The following ARHGAP22 variants were observed in gnomAD, a reference collection of about 807,000 sequenced individuals.
ARHGAP22 encodes the protein rho GTPase-activating protein 22.
A neutral mutation model predicts 59.1 loss-of-function variants in ARHGAP22; 48 were observed. That is an observed-to-expected ratio of 0.81 (90% confidence interval 0.64 to 1.03). The LOEUF is 1.03. Among genes scored for constraint, ARHGAP22 ranks in the 50% least tolerant of loss-of-function variants. The pLI, the probability that ARHGAP22 is intolerant of heterozygous loss-of-function variation, is 0.00. For missense variants in ARHGAP22, 1,015 were observed against 958.7 expected (o/e 1.06, Z -0.78); for synonymous variants, 445 against 416.4 (o/e 1.07, Z -0.84).
Position 48,470,673 on chromosome 10 carries a change from C to G in ARHGAP22, c.451+8963G>C, listed in dbSNP as rs977832485. On this transcript the variant is annotated intron_variant, in intron 4 of 9. Coordinates refer to ENST00000249601, the MANE Select transcript of ARHGAP22 (RefSeq NM_021226.4). ...GGATGGAAGGCACCAGAACTAGTCT[C>G]AAGTACCCCTTCTGCTGGCTTAGTG... Among the ~76,000 whole-genome samples, 3 of 152,216 alleles carry G rather than the reference C, an allele frequency of 2.0e-5. No individual in the cohort carries two copies. The East Asian group carries it at 5.8e-4, about 29-fold the overall frequency.
At chr10:48,448,766 C>T (rs1212687348) in intron 9 of ARHGAP22, among the ~76,000 whole-genome samples, 3 of 152,212 alleles carry the variant, frequency 2.0e-5, no homozygotes, top group Non-Finnish European at 4.4e-5. Flanking sequence ...ACTCTGCTAG[C>T]GAGTACAGTC....
chr10:48,437,437 A>G, the ARHGAP22 span: 1 of 151,962 alleles, frequency 6.6e-6, no homozygotes, highest in Non-Finnish European at 1.5e-5. Context: ...TATAATTTTG[A>G]TTTTTCAATT....
At chr10:48,479,210 C>T (rs2049030935) in intron 4 of ARHGAP22, 1 of 187,410 alleles carries the variant, frequency 5.3e-6, no homozygotes. Flanking sequence ...CTGCATTAAG[C>T]CTGCTTGGCC....
At chr10:48,480,922 G>A (rs1478175299) in intron 3 of ARHGAP22, among the ~76,000 whole-genome samples, 1 of 152,248 alleles carries the variant, frequency 6.6e-6, no homozygotes, top group Non-Finnish European at 1.5e-5. Flanking sequence ...AACCAAGCAG[G>A]CTGCTCTGAG....
At chr10:48,454,978 G>C in intron 6 of ARHGAP22, 24 bp downstream of exon 6, 1 of 1,569,038 alleles carries the variant, frequency 6.4e-7, no homozygotes, top group Admixed American at 1.8e-5. Flanking sequence ...CATCTCCCAG[G>C]AGCTATCCCC....
intron 3 of ARHGAP22, chr10:48,493,568 C>A: frequency 6.6e-7 from 1 of 1,514,358 alleles, no homozygotes. Context: ...CCACCAGGTG[C>A]ACGAGGCACT....
In ARHGAP22 at chr10:48,603,314, AT is replaced by A. The variant is rs560864109; in HGVS notation, c.34+1448del. On this transcript the variant is annotated intron_variant, in intron 1 of 9. Transcript: ENST00000249601. Reference sequence around the variant, plus strand: ...GCACTGTCCAATAGAAATATAAAAAATATAATATGAGTCACATATGTACTTG... The same window carrying A: ...GCACTGTCCAATAGAAATATAAAAAAATAATATGAGTCACATATGTACTTG... Among the ~76,000 whole-genome samples, 54 of 152,356 alleles carry A rather than the reference AT, an allele frequency of 3.5e-4. 2 individuals carry two copies. The East Asian group carries it at 9.8e-3, about 28-fold the overall frequency.
chr10:48,624,968 T>G (rs1444301529), intron 1 of ARHGAP22: 1 of 152,230 alleles, frequency 6.6e-6, no homozygotes, highest in Non-Finnish European at 1.5e-5. Context: ...ACCTTCCTCC[T>G]CTGGTGTCTG....
intron 6 of ARHGAP22, among the ~76,000 whole-genome samples, 182 bp from the exon 7 acceptor site, chr10:48,454,343 C>T (rs1475905935): frequency 6.6e-6 from 1 of 152,188 alleles, no homozygotes. Context: ...GCTGTGACCT[C>T]CTGGGAAGCT....
Position 48,484,295 on chromosome 10 carries a change from C to T in ARHGAP22, c.323-4531G>A, listed in dbSNP as rs546910813. Among the ~76,000 whole-genome samples, 41 of 152,334 alleles carry T rather than the reference C, an allele frequency of 2.7e-4. No individual in the cohort carries two copies. The South Asian group carries it at 6.8e-3, about 25-fold the overall frequency. ...TTTTAGTGTGTTAATTGATGAATTA[C>T]GCTAATACATTTTCAAATGCTAAAC... On this transcript the variant is annotated intron_variant, in intron 3 of 9. Transcript: ENST00000249601.
intron 3 of ARHGAP22, among the ~76,000 whole-genome samples, chr10:48,528,155 C>T (rs2134882017): frequency 6.6e-6 from 1 of 152,262 alleles, no homozygotes; most frequent in East Asian, 1.9e-4. Context: ...AGCCCCTGGT[C>T]CCAGATATGC....
chr10:48,613,943 A>T (rs1337295654), intron 1 of ARHGAP22, among the ~76,000 whole-genome samples: 1 of 152,192 alleles, frequency 6.6e-6, no homozygotes, highest in East Asian at 1.9e-4. Context: ...AGCAGGGTTG[A>T]TGTTCTCTTG....
chr10:48,637,104 C>T (rs1324537823), intron 1 of ARHGAP22, among the ~76,000 whole-genome samples: 1 of 152,192 alleles, frequency 6.6e-6, no homozygotes, highest in Non-Finnish European at 1.5e-5. Flanking sequence ...CTCTGAGAAG[C>T]TGATCTCCCC....
intron 4 of ARHGAP22, among the ~76,000 whole-genome samples, chr10:48,462,753 C>T (rs2047270755): frequency 6.6e-6 from 1 of 152,230 alleles, no homozygotes; most frequent in Non-Finnish European, 1.5e-5. Flanking sequence ...GAAATGGGAC[C>T]CAAGGGGCCA....
chr10:48,629,937 T>C (rs1200383915), intron 1 of ARHGAP22, among the ~76,000 whole-genome samples: 2 of 152,238 alleles, frequency 1.3e-5, no homozygotes, highest in African/African-American at 4.8e-5. Context: ...TATAACTAAA[T>C]ATTTCATTCT....
chr10:48,567,235 G>T (rs2058101229), intron 2 of ARHGAP22, among the ~76,000 whole-genome samples: 1 of 152,214 alleles, frequency 6.6e-6, no homozygotes. Context: ...AGACCCTGTG[G>T]TTGAGGCTGC....
At chr10:48,441,608 C>T (rs1179604506), downstream of ARHGAP22, among the ~76,000 whole-genome samples, 5 of 152,078 alleles carry the variant, frequency 3.3e-5, no homozygotes, top group African/African-American at 7.2e-5. Context: ...CCCGCCACCA[C>T]ACCCGGCTAA....
intron 3 of ARHGAP22, among the ~76,000 whole-genome samples, chr10:48,483,763 T>A (rs1055719761): frequency 1.3e-5 from 2 of 152,224 alleles, no homozygotes; most frequent in African/African-American, 4.8e-5. Flanking sequence ...CCTTGTATAT[T>A]CTGGATATTC....
At chr10:48,450,073 CGTGCCAGACTGACTGT>C (rs974863219) in intron 9 of ARHGAP22, among the ~76,000 whole-genome samples, 172 bp downstream of exon 9, 1 of 149,014 alleles carries the variant, frequency 6.7e-6, no homozygotes, top group African/African-American at 2.6e-5. Flanking sequence ...AGACTGACTG[CGTGCCAGACTGACTGT>C]GTGCCAAGTC....
Sources: allele counts gnomAD v4.1 joint callset (sites outside exome capture counted in the v4.1 genomes callset), GRCh38; gene constraint gnomAD v4.1.1; transcripts MANE v1.5; gene names NCBI Gene and HGNC (gene_info 2026-07-23, HGNC 2026-07-21).